Variants in CEP43 observed in about 807,000 individuals in gnomAD.
CEP43 encodes centrosomal protein 43, also known as FGFR1 oncogene partner.
In CEP43, 36 loss-of-function variants were observed where a neutral mutation model predicts 52.6. The observed-to-expected ratio is 0.68, with a 90% CI of 0.52 to 0.90. The LOEUF is 0.90. CEP43 is among the 40% of genes least tolerant of loss of function. CEP43 has a pLI of 0.00. For synonymous variants in CEP43, 192 were observed against 172.4 expected (o/e 1.11, Z -0.89); for missense variants, 506 against 472.8 (o/e 1.07, Z -0.65).
rs995881669 is a variant in CEP43 at position 167,013,450 on chromosome 6, G to A, written c.520-58G>A. On this transcript the variant is annotated intron_variant, in intron 6 of 12. Coordinates refer to ENST00000366847, the MANE Select transcript of CEP43 (RefSeq NM_007045.4). ...GGTATCTTTGTTTGGTAATGAGTTA[G>A]TTTATTTTTTAAAGATTTCTATTTT... The A allele has an allele frequency of 6.3e-6, 9 of 1,417,566 alleles. No homozygotes were observed. The Admixed American group carries it at 1.4e-4, about 22-fold the overall frequency. 87.8% of individuals were successfully genotyped at this position (1,417,566 alleles called of 1,614,324 possible).
At chr6:167,014,041 A>G (rs1034734239) in intron 7 of CEP43, among the ~76,000 whole-genome samples, 1 of 152,212 alleles carries the variant, frequency 6.6e-6, no homozygotes, top group African/African-American at 2.4e-5. Context: ...ATCCAGGTGA[A>G]AATCATACTG....
At chr6:167,017,659 CT>C (rs2128662312) in intron 7 of CEP43, among the ~76,000 whole-genome samples, 1 of 149,790 alleles carries the variant, frequency 6.7e-6, no homozygotes, top group East Asian at 2.0e-4. Context: ...ATTAAGGTTT[CT>C]CATTGTGAAA....
chr6:167,027,755 TA>T, intron 10 of CEP43: 1 of 502,222 alleles, frequency 2.0e-6, no homozygotes, highest in Non-Finnish European at 2.6e-6. Flanking sequence ...TTTTAAAGAG[TA>T]AATAGGATTT....
At chr6:167,019,375 G>C (rs1475701150) in intron 7 of CEP43, among the ~76,000 whole-genome samples, 2 of 152,234 alleles carry the variant, frequency 1.3e-5, no homozygotes, top group Non-Finnish European at 2.9e-5. Flanking sequence ...AGCGTTTTCA[G>C]TGCTTTGGTT....
At chr6:167,030,791 A>G (rs1416267106) in intron 10 of CEP43, among the ~76,000 whole-genome samples, 5 of 151,990 alleles carry the variant, frequency 3.3e-5, no homozygotes, top group Non-Finnish European at 7.4e-5. Flanking sequence ...TGGTACGATT[A>G]TCTCTGGGAA....
intron 2 of CEP43, among the ~76,000 whole-genome samples, chr6:167,001,436 G>A (rs757004202): frequency 6.6e-6 from 1 of 152,046 alleles, no homozygotes; most frequent in African/African-American, 2.4e-5. Flanking sequence ...TTCACAACCT[G>A]GTTTTGACCA....
rs1231647572 is a variant in CEP43, at chr6:167,044,802, C to G, written c.*4824C>G. ...ACTCCTGCCCCGCTTCTAGCACATGCTGTGCTTGGCCACTTCTCTGCCTCT... is the reference window on the plus strand; with the variant it reads ...ACTCCTGCCCCGCTTCTAGCACATGGTGTGCTTGGCCACTTCTCTGCCTCT... On this transcript the variant is annotated 3_prime_UTR_variant, in exon 13 of 13. Transcript: ENST00000366847. 6.5e-6 allele frequency: 1 copy of G among 152,940 alleles called. No homozygotes were observed. The highest frequency in any genetic ancestry group is 2.4e-5 in the African/African-American group (1 of 41,496). The allele number at this position is 152,940 out of a possible 1,614,324, so 9.5% of individuals were successfully genotyped here.
At chr6:167,035,108 C>T (rs73031588) in intron 12 of CEP43, among the ~76,000 whole-genome samples, 3,116 of 152,262 alleles carry the variant, frequency 0.02, 53 homozygotes, top group East Asian at 0.091. Context: ...CCTTGGATGG[C>T]GTCCAGGAGT....
In CEP43 at chr6:167,043,253, G is replaced by C. The variant is rs1486458977; in HGVS notation, c.*3275G>C. Reference sequence around the variant, plus strand: ...CTCTTCCTGGAGAAAAACACACCCAGCCCAAGTTGGAGCCCTCCTGTGGCA... The same window carrying C: ...CTCTTCCTGGAGAAAAACACACCCACCCCAAGTTGGAGCCCTCCTGTGGCA... On this transcript the variant is annotated 3_prime_UTR_variant, in exon 13 of 13. Coordinates refer to ENST00000366847, the MANE Select transcript of CEP43 (RefSeq NM_007045.4). 1.3e-5 allele frequency: 2 copies of C among 152,560 alleles called. No homozygotes were observed. The highest frequency in any genetic ancestry group is 2.9e-5 in the Non-Finnish European group (2 of 68,394). 9.5% of individuals were successfully genotyped at this position (152,560 alleles called of 1,614,324 possible).
rs770529074 is a variant in CEP43 at position 167,003,844 on chromosome 6, A to G, written c.300+33A>G. ...TAATGATTTTTACATCTATCTTTTG[A>G]AACCTTTGATACAAATGAGTTAATA... On this transcript the variant is annotated intron_variant, in intron 4 of 12. Transcript: ENST00000366847. 30 of 1,310,914 alleles carry G rather than the reference A, an allele frequency of 2.3e-5. No homozygotes were observed. The African/African-American group carries it at 4.0e-4, about 18-fold the overall frequency. 81.2% of individuals were successfully genotyped at this position (1,310,914 alleles called of 1,614,324 possible). A position where few individuals can be genotyped will look rare whatever the true frequency, so the allele number is the denominator to read the frequency against.
At position 167,004,275 on chromosome 6, in the gene CEP43, C is replaced by T. The variant is rs375338123; in HGVS notation, c.312C>T (p.Leu104=). ...AACTTCTTTTCTAGCTGCAAGGTCT[C>T]GAAGGTCGAGAGAATTTAGCCCGAG... The part of the protein sequence containing the change: ...FQPETSTLQG[L]EGRENLARDL... The change falls in exon 5 of 13, where the codon CTC becomes CTT. Residue 104 remains leucine, a synonymous_variant. Coordinates refer to ENST00000366847, the MANE Select transcript of CEP43 (RefSeq NM_007045.4). The T allele has an allele frequency of 6.2e-5, 99 of 1,601,348 alleles. No homozygotes were observed. Among genetic ancestry groups the T allele is most frequent in the Non-Finnish European group, 8.1e-5 (95 of 1,174,856 alleles).
At chr6:167,023,442 A>G (rs1156514581) in intron 8 of CEP43, among the ~76,000 whole-genome samples, 1 of 152,216 alleles carries the variant, frequency 6.6e-6, no homozygotes, top group East Asian at 1.9e-4. Context: ...AACACGTTAG[A>G]TGAAGAGTGG....
chr6:167,010,931 T>G (rs773038083), intron 6 of CEP43, 38 bp downstream of exon 6: 1 of 1,284,672 alleles, frequency 7.8e-7, no homozygotes, highest in South Asian at 1.4e-5. Flanking sequence ...ATGTCTGGAC[T>G]TAACTCCAGA....
chr6:167,038,383 T>G (rs963094233), intron 12 of CEP43, among the ~76,000 whole-genome samples: 1 of 152,212 alleles, frequency 6.6e-6, no homozygotes, highest in African/African-American at 2.4e-5. Flanking sequence ...GTTAGAAACT[T>G]AACGTTCTAT....
At chr6:167,034,693 A>G (rs9295385) in intron 12 of CEP43, among the ~76,000 whole-genome samples, 60,748 of 151,994 alleles carry the variant, frequency 0.4, 12,465 homozygotes, top group Non-Finnish European at 0.46. Flanking sequence ...AGCGTTTACA[A>G]TGCAACCACA....
rs1215348200 is a variant in CEP43 at position 167,047,712 on chromosome 6, C to T, written c.*7734C>T. On this transcript the variant is annotated 3_prime_UTR_variant, in exon 13 of 13. Coordinates refer to ENST00000366847, the MANE Select transcript of CEP43 (RefSeq NM_007045.4). ...CACTTCCTCCTCAAAGCTCTCGCCC[C>T]GCGCCGAGCTACTGTGATGTATTTT... 2.0e-5 allele frequency: 3 copies of T among 152,132 alleles called. No individual in the cohort carries two copies. The highest frequency in any genetic ancestry group is 6.5e-5 in the Admixed American group (1 of 15,272). 9.4% of individuals were successfully genotyped at this position (152,132 alleles called of 1,614,324 possible).
At chr6:167,039,794 C>T in intron 12 of CEP43, 110 bp from the exon 13 acceptor site, 3 of 1,071,936 alleles carry the variant, frequency 2.8e-6, no homozygotes, top group South Asian at 2.9e-5. Context: ...TGATTATGGC[C>T]ATTCTTGCAG....
chr6:167,048,938 G>A lies in CEP43; in HGVS notation c.*8960G>A, dbSNP rs1197732581. 2.0e-5 allele frequency: 3 copies of A among 152,124 alleles called. No individual in the cohort carries two copies. Among genetic ancestry groups the A allele is most frequent in the African/African-American group, 4.8e-5 (2 of 41,430 alleles). 9.4% of individuals were successfully genotyped at this position (152,124 alleles called of 1,614,324 possible). ...AGTACTTTCATGACATTTTAAAAAA[G>A]GGATTGTAAAGACTGATGAAACCCT... On this transcript the variant is annotated 3_prime_UTR_variant, in exon 13 of 13. Coordinates refer to ENST00000366847, the MANE Select transcript of CEP43 (RefSeq NM_007045.4).
intron 7 of CEP43, among the ~76,000 whole-genome samples, chr6:167,017,364 A>G (rs2128662187): frequency 6.6e-6 from 1 of 152,296 alleles, no homozygotes; most frequent in South Asian, 2.1e-4. Flanking sequence ...TAGGTATTAC[A>G]AGTAATCTAG....
Sources: gnomAD v4.1 joint callset for allele counts (sites outside exome capture counted in the v4.1 genomes callset) on GRCh38, gnomAD v4.1.1 for gene constraint, MANE v1.5 for transcripts, NCBI Gene and HGNC (gene_info 2026-07-23, HGNC 2026-07-21) for gene names.